Variants in GALNT13 observed in about 807,000 individuals in gnomAD.
GALNT13 encodes UDP-GalNAc:polypeptide N-acetylgalactosaminyltransferase 13.
A neutral mutation model predicts 64.2 loss-of-function variants in GALNT13; 28 were observed. The observed-to-expected ratio is 0.44, with a 90% CI of 0.32 to 0.60. The LOEUF (loss-of-function observed/expected upper bound fraction) is 0.60, where lower values mean the gene tolerates loss of function less well. Among genes scored for constraint, GALNT13 ranks in the 20% least tolerant of loss-of-function variants. The pLI is 0.05. For missense variants in GALNT13, 577 were observed against 669.8 expected, an observed-to-expected ratio of 0.86 and a Z score of 1.53; for synonymous variants, 214 against 224.6, an observed-to-expected ratio of 0.95 and a Z score of 0.42.
the GALNT13 span, among the ~76,000 whole-genome samples, chr2:153,770,305 C>A: frequency 5.6e-4 from 85 of 152,124 alleles, no homozygotes; most frequent in African/African-American, 1.7e-3. Context: ...GTCTATGGTC[C>A]TTTGACTTTG....
At chr2:153,232,318 T>G in the GALNT13 span, among the ~76,000 whole-genome samples, 1 of 152,252 alleles carries the variant, frequency 6.6e-6, no homozygotes, top group Non-Finnish European at 1.5e-5. Context: ...TTCACTGATA[T>G]TTTATAAATT....
chr2:153,519,398 A>G, the GALNT13 span, among the ~76,000 whole-genome samples: 1 of 152,224 alleles, frequency 6.6e-6, no homozygotes, highest in Non-Finnish European at 1.5e-5. Flanking sequence ...GAGTCTAAAT[A>G]GGAAATTACA....
At chr2:153,287,479 G>C in the GALNT13 span, among the ~76,000 whole-genome samples, 2 of 152,186 alleles carry the variant, frequency 1.3e-5, no homozygotes, top group Admixed American at 6.5e-5. Context: ...TGGAGAATGA[G>C]TGCAAGGTTT....
chr2:153,104,328 A>G, the GALNT13 span, among the ~76,000 whole-genome samples: 4 of 152,200 alleles, frequency 2.6e-5, no homozygotes, highest in South Asian at 2.1e-4. Flanking sequence ...ATAGGTATTA[A>G]TGGGCTCTCC....
At chr2:153,355,999 G>C in the GALNT13 span, among the ~76,000 whole-genome samples, 2 of 152,138 alleles carry the variant, frequency 1.3e-5, no homozygotes, top group African/African-American at 2.4e-5. Context: ...CTTTTTAGCA[G>C]CCGGAAGGGG....
chr2:153,477,050 C>T, the GALNT13 span, among the ~76,000 whole-genome samples: 2 of 152,158 alleles, frequency 1.3e-5, no homozygotes, highest in Non-Finnish European at 2.9e-5. Context: ...GGGGGCCCTT[C>T]TGTCGTCTCG....
intron 3 of GALNT13, among the ~76,000 whole-genome samples, chr2:153,994,461 T>G (rs1695382885): frequency 6.6e-6 from 1 of 152,228 alleles, no homozygotes; most frequent in Non-Finnish European, 1.5e-5. Context: ...GAAATGGTAT[T>G]TCTTGTTCTA....
intron 9 of GALNT13, among the ~76,000 whole-genome samples, chr2:154,374,314 T>G (rs1393074500): frequency 1.3e-5 from 2 of 152,190 alleles, no homozygotes. Flanking sequence ...TTGTGGTAGT[T>G]GTTGTTTTTC....
chr2:153,129,944 T>G, the GALNT13 span, among the ~76,000 whole-genome samples: 3 of 152,162 alleles, frequency 2.0e-5, no homozygotes, highest in Admixed American at 1.3e-4. Context: ...CTCTTTAAAA[T>G]GTGCAGAGAG....
chr2:153,434,524 A>C, the GALNT13 span, among the ~76,000 whole-genome samples: 11 of 152,166 alleles, frequency 7.2e-5, no homozygotes, highest in African/African-American at 2.7e-4. Context: ...TCACCATTCT[A>C]ACTGGTGTGA....
chr2:153,502,864 T>C, the GALNT13 span, among the ~76,000 whole-genome samples: 11 of 152,224 alleles, frequency 7.2e-5, no homozygotes, highest in African/African-American at 2.7e-4. Context: ...TTTCATGTTT[T>C]TTGGCCATTT....
chr2:153,466,319 C>G, the GALNT13 span, among the ~76,000 whole-genome samples: 1 of 151,982 alleles, frequency 6.6e-6, no homozygotes, highest in Non-Finnish European at 1.5e-5. Context: ...TGTGTCAGTT[C>G]CTCAGATATT....
the GALNT13 span, among the ~76,000 whole-genome samples, chr2:153,608,054 C>T: frequency 4.6e-3 from 698 of 152,172 alleles, 5 homozygotes; most frequent in African/African-American, 0.016. Flanking sequence ...CTGGAAGGAT[C>T]AAGAATTTTT....
the GALNT13 span, among the ~76,000 whole-genome samples, chr2:153,405,400 G>A: frequency 2.0e-5 from 3 of 152,180 alleles, no homozygotes; most frequent in Non-Finnish European, 1.5e-5. Context: ...GTGTGTGCCT[G>A]TGTATCTTCA....
chr2:153,625,978 C>A, the GALNT13 span, among the ~76,000 whole-genome samples: 4 of 152,226 alleles, frequency 2.6e-5, no homozygotes, highest in East Asian at 5.8e-4. Flanking sequence ...AATATTCACA[C>A]ACTTGTTACT....
chr2:153,308,901 A>T, the GALNT13 span, among the ~76,000 whole-genome samples: 1 of 152,148 alleles, frequency 6.6e-6, no homozygotes, highest in Non-Finnish European at 1.5e-5. Flanking sequence ...TAGAATAATG[A>T]CATACAGGAG....
intron 4 of GALNT13, among the ~76,000 whole-genome samples, chr2:154,162,145 A>G (rs1684769855): frequency 6.6e-6 from 1 of 152,202 alleles, no homozygotes; most frequent in South Asian, 2.1e-4. Flanking sequence ...AATACTCTAT[A>G]TCAGAAATAA....
At chr2:153,491,591 A>ATT in the GALNT13 span, among the ~76,000 whole-genome samples, 111 of 134,450 alleles carry the variant, frequency 8.3e-4, no homozygotes, top group Middle Eastern at 3.7e-3. Context: ...CCTAAACCAT[A>ATT]TTATATTTAT....
the GALNT13 span, among the ~76,000 whole-genome samples, chr2:153,488,350 G>A: frequency 2.0e-5 from 3 of 152,138 alleles, no homozygotes; most frequent in African/African-American, 4.8e-5. Context: ...GCAGTGACAC[G>A]CAGTCCTTGC....
Sources: gnomAD v4.1 joint callset for allele counts (sites outside exome capture counted in the v4.1 genomes callset) on GRCh38, gnomAD v4.1.1 for gene constraint, MANE v1.5 for transcripts, NCBI Gene and HGNC (gene_info 2026-07-23, HGNC 2026-07-21) for gene names.